The following ATRN variants were observed in gnomAD, a reference collection of about 807,000 sequenced individuals.
ATRN encodes attractin-2.
A neutral mutation model predicts 178.7 loss-of-function variants in ATRN; 54 were observed. That is an observed-to-expected ratio of 0.30 (90% confidence interval 0.24 to 0.38). The LOEUF is 0.38. Ranked by LOEUF, ATRN falls within the 10% of genes least tolerant of loss-of-function variation. ATRN has a pLI of 1.00. For synonymous variants in ATRN, 636 were observed against 663.0 expected, an observed-to-expected ratio of 0.96 and a Z score of 0.63; for missense variants, 1,443 against 1,815.1, an observed-to-expected ratio of 0.79 and a Z score of 3.73.
At position 3,628,882 on chromosome 20, in the gene ATRN, C is replaced by T. The variant is rs2146318959; in HGVS notation, c.3863+4310C>T. On this transcript the variant is annotated intron_variant, in intron 25 of 28. Coordinates refer to ENST00000262919, the MANE Select transcript of ATRN (RefSeq NM_139321.3). ...GCAATCTTTTCTATTCAGCCTCTCA[C>T]TGTTGATTTTTTCCCAGACCTTGAC... The T allele has an allele frequency of 3.0e-6, 3 of 985,012 alleles. No homozygotes were observed. The Middle Eastern group carries it at 1.6e-3, about 515-fold the overall frequency. 61.0% of individuals were successfully genotyped at this position (985,012 alleles called of 1,614,324 possible).
chr20:3,539,651 T>C (rs893799861), intron 2 of ATRN, among the ~76,000 whole-genome samples: 45 of 152,234 alleles, frequency 3.0e-4, no homozygotes, highest in African/African-American at 9.4e-4. Context: ...CCATTTGCAG[T>C]TGGAGAGCAG....
chr20:3,572,812 T>C lies in ATRN; in HGVS notation c.1953T>C (p.His651=). 6.2e-7 allele frequency: 1 copy of C among 1,614,054 alleles called. No individual in the cohort carries two copies. The highest frequency in any genetic ancestry group is 8.5e-7 in the Non-Finnish European group (1 of 1,180,016). ...TCACCTCGGAACAGTGTGATGCGCA[T>C]CGGAGTGAAGCCGCTTGTTTAGCAG... ...LVFTSEQCDA[H]RSEAACLAAG... is the part of the protein sequence containing the mutation. The change falls in exon 12 of 29, where the codon CAT becomes CAC. Residue 651 remains histidine, a synonymous_variant. Coordinates refer to ENST00000262919, the MANE Select transcript of ATRN (RefSeq NM_139321.3).
At chr20:3,611,204 A>G (rs1290228706) in intron 24 of ATRN, among the ~76,000 whole-genome samples, 1 of 152,246 alleles carries the variant, frequency 6.6e-6, no homozygotes, top group Non-Finnish European at 1.5e-5. Context: ...ACATAAAACC[A>G]AAAGTTTTTG....
chr20:3,646,903 T>C lies in ATRN; in HGVS notation c.*56T>C. ...GCTAGTGAGTGGCACACCAGAGCCA[T>C]CTGCAGGGAAGGGCGTGGCGGGGAA... On this transcript the variant is annotated 3_prime_UTR_variant, in exon 29 of 29. Transcript: ENST00000262919. 1 of 1,601,512 alleles carries C rather than the reference T, an allele frequency of 6.2e-7. No homozygotes were observed. The highest frequency in any genetic ancestry group is 1.3e-5 in the African/African-American group (1 of 74,698).
intron 10 of ATRN, among the ~76,000 whole-genome samples, chr20:3,563,843 TAAAC>T (rs1302282917): frequency 6.6e-6 from 1 of 152,256 alleles, no homozygotes. Context: ...ATGTTCATTT[TAAAC>T]AAATTATTAT....
Position 3,471,058 on chromosome 20 carries a change from G to C in ATRN, c.-50G>C. On this transcript the variant is annotated 5_prime_UTR_variant, in exon 1 of 29. Transcript: ENST00000262919. ...ACGGCCAGGCGAAGCGGAGCCGGCCGTGCGGTGTGTGTGTATGTGTTCGCG... is the reference window on the plus strand; with the variant it reads ...ACGGCCAGGCGAAGCGGAGCCGGCCCTGCGGTGTGTGTGTATGTGTTCGCG... The C allele has an allele frequency of 1.4e-6, 2 of 1,464,792 alleles. No homozygotes were observed. Among genetic ancestry groups the C allele is most frequent in the Non-Finnish European group, 1.8e-6 (2 of 1,114,918 alleles). The allele number at this position is 1,464,792 out of a possible 1,614,324, so 90.7% of individuals were successfully genotyped here.
At chr20:3,529,829 G>T (rs1423713305) in intron 1 of ATRN, among the ~76,000 whole-genome samples, 1 of 152,116 alleles carries the variant, frequency 6.6e-6, no homozygotes, top group Non-Finnish European at 1.5e-5. Context: ...GATTTGGTTG[G>T]AAGGAATCAA....
intron 5 of ATRN, 72 bp downstream of exon 5, chr20:3,547,561 C>A: frequency 8.1e-7 from 1 of 1,234,728 alleles, no homozygotes; most frequent in Non-Finnish European, 1.1e-6. Flanking sequence ...TATAGATTGA[C>A]TTTATTCTTA....
chr20:3,604,663 A>G (rs902645197), intron 24 of ATRN, among the ~76,000 whole-genome samples: 4 of 152,232 alleles, frequency 2.6e-5, no homozygotes, highest in Non-Finnish European at 5.9e-5. Flanking sequence ...GTGACATGAG[A>G]TGATCCCAGA....
intron 24 of ATRN, among the ~76,000 whole-genome samples, chr20:3,622,657 G>A (rs370670048): frequency 2.0e-4 from 31 of 152,362 alleles, no homozygotes; most frequent in Middle Eastern, 6.8e-3. Flanking sequence ...ATGTTTCTAA[G>A]TGGTCAGTGC....
At chr20:3,545,200 C>T (rs1467514305) in intron 3 of ATRN, among the ~76,000 whole-genome samples, 1 of 151,906 alleles carries the variant, frequency 6.6e-6, no homozygotes, top group African/African-American at 2.4e-5. Flanking sequence ...AATGCTGTCT[C>T]TACTAAAACT....
intron 1 of ATRN, among the ~76,000 whole-genome samples, chr20:3,513,794 G>T (rs2085169109): frequency 1.3e-5 from 2 of 152,132 alleles, no homozygotes; most frequent in Non-Finnish European, 2.9e-5. Flanking sequence ...AGTTCTCCTT[G>T]AAGAGGTCCT....
intron 1 of ATRN, among the ~76,000 whole-genome samples, chr20:3,497,764 T>C (rs199948441): frequency 2.0e-5 from 3 of 152,076 alleles, no homozygotes; most frequent in East Asian, 1.9e-4. Context: ...TGTTTTCCAA[T>C]TTGGTTCCAT....
chr20:3,492,161 A>G lies in ATRN; in HGVS notation c.410+20644A>G, dbSNP rs576097819. On this transcript the variant is annotated intron_variant, in intron 1 of 28. Transcript: ENST00000262919. ...AAGAAGGGTTGAGAGCATATTCTAG[A>G]TAGGGGAGTGTGTGTGTGTGTGTGT... is the stretch of plus-strand genomic sequence containing the variant. Among the ~76,000 whole-genome samples, 524 of 102,344 alleles carry G rather than the reference A, an allele frequency of 5.1e-3. 2 individuals are homozygous for G. Among genetic ancestry groups the G allele is most frequent in the Non-Finnish European group, 7.3e-3 (372 of 50,866 alleles). 67.1% of individuals were successfully genotyped at this position (102,344 alleles called of 152,430 possible).
intron 3 of ATRN, among the ~76,000 whole-genome samples, chr20:3,540,578 G>T (rs1465117570): frequency 1.3e-5 from 2 of 152,154 alleles, no homozygotes; most frequent in African/African-American, 4.8e-5. Context: ...GTAAAATTGT[G>T]ATAGTTCTAT....
Position 3,547,341 on chromosome 20 carries a change from C to G in ATRN, c.795C>G (p.Ser265Arg), listed in dbSNP as rs772326371. The change falls in exon 5 of 29, where the codon AGC becomes AGG. Residue 265 changes from serine to arginine, a missense_variant. Physicochemically the swap from Ser to Arg is moderately radical, Grantham distance 110. Coordinates refer to ENST00000262919, the MANE Select transcript of ATRN (RefSeq NM_139321.3). Reference protein sequence around the residue: ...SGRGECKISNSSDTVECECSE... With the variant: ...SGRGECKISNRSDTVECECSE... Reference sequence around the variant, plus strand: ...GAGGAGAGTGTAAGATCAGTAATAGCAGCGATACTGTTGAATGTGAATGTT... The same window carrying G: ...GAGGAGAGTGTAAGATCAGTAATAGGAGCGATACTGTTGAATGTGAATGTT... 1 of 1,614,086 alleles carries G rather than the reference C, an allele frequency of 6.2e-7. No individual in the cohort carries two copies. Among genetic ancestry groups the G allele is most frequent in the Non-Finnish European group, 8.5e-7 (1 of 1,179,982 alleles).
intron 1 of ATRN, among the ~76,000 whole-genome samples, chr20:3,512,107 A>ATATATATTTTTTTTTT: frequency 9.4e-6 from 1 of 106,392 alleles, no homozygotes; most frequent in African/African-American, 4.4e-5. Context: ...ATATATATAT[A>ATATATATTTTTTTTTT]TTTTTTTTTT....
chr20:3,535,907 G>A (rs1349954903), intron 2 of ATRN, among the ~76,000 whole-genome samples: 2 of 152,228 alleles, frequency 1.3e-5, no homozygotes, highest in African/African-American at 4.8e-5. Flanking sequence ...TGGGATTACA[G>A]GTGTGAGCCA....
chr20:3,564,968 G>A (rs542629501), intron 10 of ATRN, among the ~76,000 whole-genome samples: 1 of 152,270 alleles, frequency 6.6e-6, no homozygotes, highest in South Asian at 2.1e-4. Context: ...GGGAGGATGA[G>A]GCAGGAGAAT....
Sources: gnomAD v4.1 joint callset for allele counts (sites outside exome capture counted in the v4.1 genomes callset) on GRCh38, gnomAD v4.1.1 for gene constraint, MANE v1.5 for transcripts, NCBI Gene and HGNC (gene_info 2026-07-23, HGNC 2026-07-21) for gene names.